The following SRPK2 variants were observed in gnomAD, a reference collection of about 807,000 sequenced individuals.
SRPK2 encodes the protein SFRS protein kinase 2.
Under a neutral mutation model 90.8 loss-of-function variants are expected in SRPK2, and 21 were observed. The observed-to-expected ratio is 0.23, with a 90% CI of 0.16 to 0.33. The LOEUF is 0.33. Among genes scored for constraint, SRPK2 ranks in the 10% least tolerant of loss-of-function variants. The pLI is 1.00. For missense variants in SRPK2, 620 were observed against 869.0 expected (o/e 0.71, Z 3.60); for synonymous variants, 288 against 311.1 (o/e 0.93, Z 0.78).
chr7:105,201,478 A>C (rs1156692362), intron 3 of SRPK2, among the ~76,000 whole-genome samples: 1 of 152,128 alleles, frequency 6.6e-6, no homozygotes, highest in Non-Finnish European at 1.5e-5. Context: ...TGGTTCCCAG[A>C]GATAGTAAGG....
intron 2 of SRPK2, among the ~76,000 whole-genome samples, chr7:105,248,996 A>C (rs570762250): frequency 1.3e-5 from 2 of 152,218 alleles, no homozygotes; most frequent in African/African-American, 4.8e-5. Flanking sequence ...CAAAACTGTC[A>C]ATTCTGTCCA....
At chr7:105,288,961 A>T (rs1163845012) in intron 2 of SRPK2, among the ~76,000 whole-genome samples, 1 of 152,044 alleles carries the variant, frequency 6.6e-6, no homozygotes, top group African/African-American at 2.4e-5. Context: ...TCCTTTTTTT[A>T]AAAAATAACT....
chr7:105,365,923 C>T (rs559824872), intron 2 of SRPK2, among the ~76,000 whole-genome samples: 2 of 151,632 alleles, frequency 1.3e-5, no homozygotes, highest in South Asian at 4.2e-4. Context: ...GGCGCGATCT[C>T]GGCTCACTGC....
intron 2 of SRPK2, among the ~76,000 whole-genome samples, chr7:105,353,031 C>T (rs1488559701): frequency 1.3e-5 from 2 of 152,096 alleles, no homozygotes; most frequent in African/African-American, 4.8e-5. Context: ...AGTTGTTTAC[C>T]TGCCTATCTC....
chr7:105,325,819 A>C (rs1350599604), intron 2 of SRPK2, among the ~76,000 whole-genome samples: 4 of 152,156 alleles, frequency 2.6e-5, no homozygotes, highest in African/African-American at 9.7e-5. Flanking sequence ...GCACAACTGC[A>C]CTCCAGCCTA....
chr7:105,372,068 G>T (rs1018246834), intron 2 of SRPK2, among the ~76,000 whole-genome samples: 2 of 150,972 alleles, frequency 1.3e-5, no homozygotes, highest in African/African-American at 4.9e-5. Context: ...CCGGAAGGCG[G>T]AGGCCGCAGT....
intron 2 of SRPK2, among the ~76,000 whole-genome samples, chr7:105,220,007 A>G (rs1797903490): frequency 6.6e-6 from 1 of 151,852 alleles, no homozygotes; most frequent in Admixed American, 6.6e-5. Context: ...CATGTAAGCC[A>G]AATAGCCTAT....
rs73404060 is a variant in SRPK2, at chr7:105,130,763, G to C, written c.1752+2028C>G. Among the ~76,000 whole-genome samples the C allele has an allele frequency of 3.2e-3, 491 of 151,728 alleles. 2 individuals carry two copies. The highest frequency in any genetic ancestry group is 0.011 in the African/African-American group (473 of 41,352). ...AGAAACCTCTAAAGCCATGACTTTT[G>C]GGGGGTGGGGCAAGCAGTGAATGAG... On this transcript the variant is annotated intron_variant, in intron 13 of 15. Coordinates refer to ENST00000393651, the MANE Select transcript of SRPK2 (RefSeq NM_182692.3).
At chr7:105,227,030 CT>C (rs1380541233) in intron 2 of SRPK2, among the ~76,000 whole-genome samples, 1 of 152,098 alleles carries the variant, frequency 6.6e-6, no homozygotes, top group African/African-American at 2.4e-5. Context: ...CCCTCTAGCG[CT>C]TGTGTGTCAC....
At position 105,208,111 on chromosome 7, in the gene SRPK2, C is replaced by T. The variant is rs143189179; in HGVS notation, c.72-4326G>A. 2.3e-3 allele frequency among the ~76,000 whole-genome samples: 345 copies of T among 152,234 alleles called. 3 individuals are homozygous for T. Among genetic ancestry groups the T allele is most frequent in the South Asian group, 7.7e-3 (37 of 4,814 alleles). On this transcript the variant is annotated intron_variant, in intron 2 of 15. Coordinates refer to ENST00000393651, the MANE Select transcript of SRPK2 (RefSeq NM_182692.3). ...CTACAGTCTGACACCACTTCATACC[C>T]ACTAGAATGGCTATTAAAAGAAGTC...
chr7:105,203,872 A>G, intron 2 of SRPK2, 87 bp from the exon 3 acceptor site: 3 of 1,464,174 alleles, frequency 2.0e-6, no homozygotes, highest in South Asian at 2.6e-5. Context: ...TATGGGGGAA[A>G]AAATAAAACT....
chr7:105,333,497 C>G (rs918895633), intron 2 of SRPK2, among the ~76,000 whole-genome samples: 1 of 152,128 alleles, frequency 6.6e-6, no homozygotes. Flanking sequence ...TCAAACAATA[C>G]ATTACAGAAC....
rs569845952 is a variant in SRPK2 at position 105,182,054 on chromosome 7, C to T, written c.230-12789G>A. 5.3e-5 allele frequency among the ~76,000 whole-genome samples: 8 copies of T among 151,388 alleles called. No homozygotes were observed. In the South Asian group the frequency reaches 1.7e-3, roughly 32 times the overall value. ...GACCAGCCTGGCCAGCATGATGAAA[C>T]CCCAACTCTACTAAAAATACAAAAA... is the stretch of plus-strand genomic sequence containing the variant. On this transcript the variant is annotated intron_variant, in intron 3 of 15. Transcript: ENST00000393651.
chr7:105,178,119 A>G (rs529745066), intron 3 of SRPK2, among the ~76,000 whole-genome samples: 1 of 152,188 alleles, frequency 6.6e-6, no homozygotes, highest in South Asian at 2.1e-4. Context: ...CCTGTAGGTG[A>G]TATCAATAAA....
intron 11 of SRPK2, among the ~76,000 whole-genome samples, chr7:105,134,220 T>C (rs1802456298): frequency 6.6e-6 from 1 of 152,174 alleles, no homozygotes; most frequent in African/African-American, 2.4e-5. Flanking sequence ...ATCCCTAGTG[T>C]TAGAAGAGGG....
chr7:105,388,246 G>GCACTCC (rs1563322973), intron 2 of SRPK2, among the ~76,000 whole-genome samples: 2 of 151,832 alleles, frequency 1.3e-5, no homozygotes, highest in Non-Finnish European at 2.9e-5. Context: ...CGCAGCCGCT[G>GCACTCC]CACTCCCGCA....
chr7:105,179,737 A>T (rs778523496), intron 3 of SRPK2, among the ~76,000 whole-genome samples: 6 of 151,268 alleles, frequency 4.0e-5, no homozygotes, highest in African/African-American at 7.3e-5. Flanking sequence ...AGGCAGGAGA[A>T]TCACTTGAAC....
At chr7:105,377,937 C>G (rs1820501096) in intron 2 of SRPK2, among the ~76,000 whole-genome samples, 2 of 152,140 alleles carry the variant, frequency 1.3e-5, no homozygotes, top group African/African-American at 2.4e-5. Context: ...ATGCAATAGC[C>G]TCCCAATGGA....
At chr7:105,364,394 C>T (rs1818778080) in intron 2 of SRPK2, among the ~76,000 whole-genome samples, 1 of 144,406 alleles carries the variant, frequency 6.9e-6, no homozygotes, top group South Asian at 2.3e-4. Context: ...CCATAGCATA[C>T]CGTGTGTAAC....
Sources: allele counts gnomAD v4.1 joint callset (sites outside exome capture counted in the v4.1 genomes callset), GRCh38; gene constraint gnomAD v4.1.1; transcripts MANE v1.5; gene names NCBI Gene and HGNC (gene_info 2026-07-23, HGNC 2026-07-21).